CRYBG3: variants seen among roughly 807,000 people sequenced by gnomAD.
CRYBG3 encodes crystallin beta-gamma domain containing 3.
A neutral mutation model predicts 244.2 loss-of-function variants in CRYBG3; 127 were observed. The ratio of observed to expected loss-of-function variants is 0.52; its 90% CI spans 0.45 to 0.60. The LOEUF (loss-of-function observed/expected upper bound fraction) is 0.60. Among genes scored for constraint, CRYBG3 ranks in the 20% least tolerant of loss-of-function variants. CRYBG3 has a pLI of 0.00. For synonymous variants in CRYBG3, 1,132 were observed against 1,195.8 expected (o/e 0.95, Z 1.10); for missense variants, 3,325 against 3,442.5 (o/e 0.97, Z 0.85).
chr3:97,853,818 C>G (rs756604342), intron 2 of CRYBG3, among the ~76,000 whole-genome samples: 1 of 149,348 alleles, frequency 6.7e-6, no homozygotes, highest in Non-Finnish European at 1.5e-5. Context: ...ATTTGCATTT[C>G]CCTGATAATT....
chr3:97,867,318 T>TA (rs1221357360), intron 3 of CRYBG3: 2 of 152,208 alleles, frequency 1.3e-5, no homozygotes, highest in Non-Finnish European at 2.9e-5. Context: ...AGCAACCTGT[T>TA]ATGCTTTGAA....
At position 97,876,243 on chromosome 3, in the gene CRYBG3, G is replaced by A; in HGVS notation, c.5049G>A (p.Gly1683=). 1 of 1,231,946 alleles carries A rather than the reference G, an allele frequency of 8.1e-7. No individual in the cohort carries two copies. The highest frequency in any genetic ancestry group is 1.0e-6 in the Non-Finnish European group (1 of 987,914). 76.3% of individuals were successfully genotyped at this position (1,231,946 alleles called of 1,614,324 possible). The change falls in exon 4 of 22, where the codon GGG becomes GGA. Residue 1683 remains glycine, a synonymous_variant. Coordinates refer to ENST00000389622, the MANE Select transcript of CRYBG3 (RefSeq NM_153605.4). ...THAEGDIGKT[G]TIALSEVENI... ...CTGAAGGGGATATTGGCAAGACTGG[G>A]ACGATAGCCTTGTCAGAAGTGGAAA... is the stretch of plus-strand genomic sequence containing the variant.
chr3:97,918,466 T>C (rs13093136), intron 17 of CRYBG3, among the ~76,000 whole-genome samples: 46,171 of 152,098 alleles, frequency 0.3, 7,683 homozygotes, highest in East Asian at 0.53. Context: ...TTAATTCTTC[T>C]GTAAAGAAAC....
chr3:97,888,132 T>C (rs2039530995), intron 8 of CRYBG3, among the ~76,000 whole-genome samples: 1 of 152,196 alleles, frequency 6.6e-6, no homozygotes, highest in African/African-American at 2.4e-5. Flanking sequence ...ATAGGACAGA[T>C]AGCTTATTAT....
Position 97,864,400 on chromosome 3 carries a change from A to G in CRYBG3, c.400A>G (p.Lys134Glu). The G allele has an allele frequency of 6.5e-7, 1 of 1,535,900 alleles. No homozygotes were observed. The highest frequency in any genetic ancestry group is 1.2e-5 in the South Asian group (1 of 84,046). ...FLGNLFNISG[K>E]SSLGEAKQSS... is the part of the protein sequence containing the mutation. Reference sequence around the variant, plus strand: ...TGGTAACTTATTCAATATCTCGGGGAAATCATCTCTAGGTGAAGCTAAGCA... The same window carrying G: ...TGGTAACTTATTCAATATCTCGGGGGAATCATCTCTAGGTGAAGCTAAGCA... The change falls in exon 3 of 22, where the codon AAA (lysine) becomes GAA (glutamate). Residue 134 changes from lysine (K) to glutamate (E), a missense_variant. Transcript: ENST00000389622.
rs1416911053 is a variant in CRYBG3 at position 97,856,552 on chromosome 3, T to G, written c.217-7665T>G. On this transcript the variant is annotated intron_variant, in intron 2 of 21. Transcript: ENST00000389622. The stretch of plus-strand genomic sequence containing the variant: ...CAGGCATAAGAAATTATAAAAGTAT[T>G]AATTTGGAGAACTAATAAATGTCCA... 6.6e-5 allele frequency among the ~76,000 whole-genome samples: 10 copies of G among 152,328 alleles called. 1 individual carries two copies. Among genetic ancestry groups the G allele is most frequent in the African/African-American group, 2.2e-4 (9 of 41,588 alleles).
intron 15 of CRYBG3, among the ~76,000 whole-genome samples, chr3:97,909,577 G>C (rs1429903825): frequency 6.7e-6 from 1 of 149,702 alleles, no homozygotes; most frequent in African/African-American, 2.4e-5. Context: ...CGTAGTTCTC[G>C]AGCCTTGGTT....
In CRYBG3 at chr3:97,872,509, TGTA is replaced by T; in HGVS notation, c.1319_1321del (p.Ser440del). The T allele has an allele frequency of 6.5e-7, 1 of 1,535,964 alleles. No homozygotes were observed. The highest frequency in any genetic ancestry group is 8.7e-7 in the Non-Finnish European group (1 of 1,146,804). On this transcript the variant is annotated inframe_deletion, in exon 4 of 22. Coordinates refer to ENST00000389622, the MANE Select transcript of CRYBG3 (RefSeq NM_153605.4). The stretch of plus-strand genomic sequence containing the variant: ...GGGCCCTGCTATTTCTGATTTCTCT[TGTA>T]GTAAATCTGATGGGAGTGACACTAC...
At position 97,873,289 on chromosome 3, in the gene CRYBG3, A is replaced by C; in HGVS notation, c.2095A>C (p.Lys699Gln). ...NIVGISYQPR[K>Q]CKEENVKNHV... The stretch of plus-strand genomic sequence containing the variant: ...TGTTGGTATTTCCTATCAGCCTAGG[A>C]AGTGTAAAGAAGAAAATGTGAAAAA... The change falls in exon 4 of 22, where the codon AAG becomes CAG. Residue 699 changes from lysine (K) to glutamine (Q), a missense_variant. This residue lies in a region of CRYBG3 where 1,526 missense variants were observed against 1,443.2 expected (regional missense o/e 1.06). Coordinates refer to ENST00000389622, the MANE Select transcript of CRYBG3 (RefSeq NM_153605.4). The C allele has an allele frequency of 6.5e-7, 1 of 1,535,690 alleles. No homozygotes were observed. The highest frequency in any genetic ancestry group is 8.7e-7 in the Non-Finnish European group (1 of 1,146,714).
chr3:97,824,386 A>C (rs948991735), intron 1 of CRYBG3, among the ~76,000 whole-genome samples: 2 of 152,218 alleles, frequency 1.3e-5, no homozygotes, highest in African/African-American at 2.4e-5. Flanking sequence ...TTTTAGATGA[A>C]GAGGAGTACA....
chr3:97,889,281 A>T, intron 9 of CRYBG3, 74 bp from the exon 10 acceptor site: 2 of 1,136,554 alleles, frequency 1.8e-6, no homozygotes, highest in Admixed American at 1.8e-5. Flanking sequence ...ACCTACATAT[A>T]TCACTTTCAG....
intron 14 of CRYBG3, 112 bp from the exon 15 acceptor site, chr3:97,900,341 C>G (rs2039691679): frequency 3.1e-6 from 2 of 649,260 alleles, no homozygotes; most frequent in African/African-American, 1.8e-5. Context: ...GAGGAATACT[C>G]TGTCTCAAAA....
chr3:97,876,711 A>G lies in CRYBG3; in HGVS notation c.5517A>G (p.Thr1839=). The change falls in exon 4 of 22, where the codon ACA becomes ACG. Residue 1839 remains threonine (T), a synonymous_variant. Transcript: ENST00000389622. ...AGACTATTGGAGCAACTGTGTCCAC[A>G]CCCTCTGTGATAGAAATGGAAAAAA... ...VKETIGATVS[T]PSVIEMEKIS... 8.0e-7 allele frequency: 1 copy of G among 1,256,122 alleles called. No individual in the cohort carries two copies. The highest frequency in any genetic ancestry group is 1.0e-6 in the Non-Finnish European group (1 of 1,003,156). The allele number at this position is 1,256,122 out of a possible 1,614,324, so 77.8% of individuals were successfully genotyped here.
rs930582396 is a variant in CRYBG3 at position 97,872,613 on chromosome 3, G to A, written c.1419G>A (p.Glu473=). ...AACATCTGCAGTTGCCAGAGAGTGA[G>A]TGTTCTGACAAGCAAACCATAGATA... The part of the protein sequence containing the change: ...RHEHLQLPES[E]CSDKQTIDSS... Residue 473 remains glutamate (E), a synonymous_variant, in exon 4 of 22, where the codon GAG becomes GAA. Transcript: ENST00000389622. 7.2e-6 allele frequency: 11 copies of A among 1,535,800 alleles called. No individual in the cohort carries two copies. Among genetic ancestry groups the A allele is most frequent in the African/African-American group, 2.7e-5 (2 of 73,000 alleles).
In CRYBG3 at chr3:97,877,168, G is replaced by A. The variant is rs1172526323; in HGVS notation, c.5974G>A (p.Asp1992Asn). 4.3e-6 allele frequency: 7 copies of A among 1,613,868 alleles called. No individual in the cohort carries two copies. The highest frequency in any genetic ancestry group is 5.9e-6 in the Non-Finnish European group (7 of 1,179,948). The change falls in exon 4 of 22, where the codon GAT (aspartate) becomes AAT (asparagine). Residue 1992 changes from aspartate to asparagine, a missense_variant. By Grantham distance (23) the Asp-to-Asn change is conservative. Transcript: ENST00000389622. ...ATATAATTTAGCTTTTGTTTCTCAA[G>A]ATGAACAAGAAAATTCTTCCTTTAC... ...KGYNLAFVSQ[D>N]EQENSSFTIL...
chr3:97,859,240 A>G (rs2039111300), intron 2 of CRYBG3, among the ~76,000 whole-genome samples: 1 of 152,140 alleles, frequency 6.6e-6, no homozygotes, highest in African/African-American at 2.4e-5. Flanking sequence ...AAAGGGGCAC[A>G]GTCACTGGTA....
intron 1 of CRYBG3, among the ~76,000 whole-genome samples, chr3:97,826,769 A>G (rs2038582965): frequency 6.6e-6 from 1 of 152,246 alleles, no homozygotes; most frequent in Admixed American, 6.5e-5. Flanking sequence ...ATGGATGACC[A>G]AATATGCCTT....
At chr3:97,852,512 G>A (rs2039000824) in intron 2 of CRYBG3, among the ~76,000 whole-genome samples, 1 of 152,156 alleles carries the variant, frequency 6.6e-6, no homozygotes, top group Admixed American at 6.5e-5. Context: ...AAGAAACAGG[G>A]AGGGTTGGTA....
At chr3:97,861,376 A>C (rs1455201850) in intron 2 of CRYBG3, among the ~76,000 whole-genome samples, 1 of 152,180 alleles carries the variant, frequency 6.6e-6, no homozygotes, top group African/African-American at 2.4e-5. Flanking sequence ...AGTGATATTA[A>C]TATAATGATG....
Sources: allele counts gnomAD v4.1 joint callset (sites outside exome capture counted in the v4.1 genomes callset), GRCh38; gene constraint gnomAD v4.1.1; regional missense constraint gnomAD v4.1.1; transcripts MANE v1.5; gene names NCBI Gene and HGNC (gene_info 2026-07-23, HGNC 2026-07-21).